RSPH9: variants seen among roughly 807,000 people sequenced by gnomAD.
RSPH9 encodes radial spoke head component 9, also known as radial spoke head protein 9 homolog.
Under a neutral mutation model 27.0 loss-of-function variants are expected in RSPH9, and 27 were observed. The observed-to-expected ratio is 1.00, with a 90% CI of 0.74 to 1.38. The LOEUF (loss-of-function observed/expected upper bound fraction) is 1.38. Ranked by LOEUF, RSPH9 falls within the 40% of genes most tolerant of loss-of-function variation. The pLI, the probability that RSPH9 is intolerant of heterozygous loss-of-function variation, is 0.00. For missense variants in RSPH9, 347 were observed against 357.4 expected (o/e 0.97, Z 0.24); for synonymous variants, 145 against 147.7 (o/e 0.98, Z 0.13).
chr6:43,656,455 G>C, intron 3 of RSPH9, 122 bp from the exon 4 acceptor site: 1 of 1,121,952 alleles, frequency 8.9e-7, no homozygotes, highest in Non-Finnish European at 1.4e-6. Flanking sequence ...CCTTCCTTTA[G>C]CTCTCTGACA....
In RSPH9 at chr6:43,671,828, G is replaced by A. The variant is rs755929911; in HGVS notation, c.*879G>A. ...TGTCCCTCAGAAGGGGTGACCCCAC[G>A]GGCATGCGCACCCTGTTCCAGCGGG... On this transcript the variant is annotated 3_prime_UTR_variant, in exon 5 of 5. Transcript: ENST00000372163. 53 of 1,614,066 alleles carry A rather than the reference G, an allele frequency of 3.3e-5. No homozygotes were observed. Among genetic ancestry groups the A allele is most frequent in the African/African-American group, 2.3e-4 (17 of 74,934 alleles).
chr6:43,647,230 T>C (rs1346080239), intron 1 of RSPH9, among the ~76,000 whole-genome samples: 1 of 152,126 alleles, frequency 6.6e-6, no homozygotes, highest in Non-Finnish European at 1.5e-5. Context: ...GCTGGGGAAG[T>C]CTCAGAGTGT....
chr6:43,646,158 G>A (rs1770839258), intron 1 of RSPH9, among the ~76,000 whole-genome samples: 1 of 151,610 alleles, frequency 6.6e-6, no homozygotes, highest in Non-Finnish European at 1.5e-5. Context: ...TTTAGACGGA[G>A]TCTCGCTCTG....
Position 43,656,677 on chromosome 6 carries a change from C to T in RSPH9, c.624C>T (p.Asp208=), listed in dbSNP as rs149007099. The T allele has an allele frequency of 6.8e-6, 11 of 1,614,058 alleles. No individual in the cohort carries two copies. In the African/African-American group the frequency reaches 1.2e-4, roughly 18 times the overall value. The stretch of plus-strand genomic sequence containing the variant: ...CCTTGCTTGAGAAGGCTGACCTGGA[C>T]CCCTCCCTGGATTTCATGGACTCCT... ...NKTLLEKADL[D]PSLDFMDSLE... The change falls in exon 4 of 5, where the codon GAC becomes GAT. Residue 208 remains aspartate, a synonymous_variant. Transcript: ENST00000372163.
intron 4 of RSPH9, among the ~76,000 whole-genome samples, chr6:43,669,785 G>A (rs1773529512): frequency 6.6e-6 from 1 of 152,160 alleles, no homozygotes. Flanking sequence ...CGGTTCTGGA[G>A]CTTAATCAGG....
intron 4 of RSPH9, among the ~76,000 whole-genome samples, chr6:43,660,686 A>G (rs6901805): frequency 0.17 from 26,279 of 152,026 alleles, 5,123 homozygotes; most frequent in African/African-American, 0.49. Context: ...GGTAGTCTCA[A>G]TCTCCTGACC....
chr6:43,665,176 C>G (rs1034529306), intron 4 of RSPH9, among the ~76,000 whole-genome samples: 1 of 152,226 alleles, frequency 6.6e-6, no homozygotes, highest in African/African-American at 2.4e-5. Context: ...GCTTCTGCAG[C>G]CAAGACCAAA....
intron 4 of RSPH9, among the ~76,000 whole-genome samples, chr6:43,668,996 T>C (rs1224187863): frequency 6.6e-6 from 1 of 152,180 alleles, no homozygotes; most frequent in Non-Finnish European, 1.5e-5. Flanking sequence ...CAATCTGTTT[T>C]CTGGAGATGC....
chr6:43,655,988 ACTTCCTTCCTTCCTTCCTTC>A (rs70993404), intron 3 of RSPH9, among the ~76,000 whole-genome samples: 11 of 113,616 alleles, frequency 9.7e-5, no homozygotes, highest in Admixed American at 1.9e-4. Flanking sequence ...TCCTCCTTGG[ACTTCCTTCCTTCCTTCCTTC>A]CTTCCTTCCT....
chr6:43,647,486 AGATTTAAGTG>A (rs1366324568), intron 1 of RSPH9, among the ~76,000 whole-genome samples: 1 of 152,184 alleles, frequency 6.6e-6, no homozygotes, highest in African/African-American at 2.4e-5. Flanking sequence ...TGGGTTGGAA[AGATTTAAGTG>A]CTAGAATTGT....
Position 43,653,279 on chromosome 6 carries a change from G to A in RSPH9, c.394-2283G>A, listed in dbSNP as rs570481911. On this transcript the variant is annotated intron_variant, in intron 2 of 4. Coordinates refer to ENST00000372163, the MANE Select transcript of RSPH9 (RefSeq NM_152732.5). ...AGCATGGCCAACATAGTGAAACTCC[G>A]TCTCTACTAAAAATACAAAAAATTA... 3.3e-5 allele frequency among the ~76,000 whole-genome samples: 5 copies of A among 152,006 alleles called. No individual in the cohort carries two copies. The East Asian group carries it at 5.8e-4, about 18-fold the overall frequency.
chr6:43,646,256 C>T (rs1200572707), intron 1 of RSPH9, among the ~76,000 whole-genome samples: 7 of 152,012 alleles, frequency 4.6e-5, no homozygotes, highest in African/African-American at 7.2e-5. Flanking sequence ...CTCAGCCTCC[C>T]GAGTGGCTGG....
rs1343110937 is a variant in RSPH9 at position 43,672,144 on chromosome 6, A to G, written c.*1195A>G. On this transcript the variant is annotated 3_prime_UTR_variant, in exon 5 of 5. Transcript: ENST00000372163. ...GGCCAGGTTCAGGCAGCCCAGGGCC[A>G]CAAGCTCCCTTGATCTTTGTAAATG... 1 of 588,658 alleles carries G rather than the reference A, an allele frequency of 1.7e-6. No individual in the cohort carries two copies. Among genetic ancestry groups the G allele is most frequent in the Non-Finnish European group, 3.1e-6 (1 of 325,486 alleles). 36.5% of individuals were successfully genotyped at this position (588,658 alleles called of 1,614,324 possible). A position where few individuals can be genotyped will look rare whatever the true frequency, so the allele number is the denominator to read the frequency against.
At chr6:43,667,265 G>A (rs1366069220) in intron 4 of RSPH9, among the ~76,000 whole-genome samples, 1 of 152,216 alleles carries the variant, frequency 6.6e-6, no homozygotes, top group African/African-American at 2.4e-5. Context: ...TGTCCTGGGA[G>A]GTAAAGGAGG....
intron 4 of RSPH9, among the ~76,000 whole-genome samples, chr6:43,665,338 T>C (rs899681135): frequency 9.9e-5 from 15 of 152,202 alleles, no homozygotes; most frequent in African/African-American, 3.4e-4. Context: ...GGAGTCTTCC[T>C]AAAGGCTGCT....
chr6:43,648,181 A>G (rs1582377008), intron 1 of RSPH9, among the ~76,000 whole-genome samples: 1 of 152,046 alleles, frequency 6.6e-6, no homozygotes, highest in African/African-American at 2.4e-5. Context: ...AGGCAGGAGA[A>G]TCGCCTGAAC....
intron 4 of RSPH9, among the ~76,000 whole-genome samples, chr6:43,669,970 TAGG>T (rs747219818): frequency 5.3e-5 from 8 of 152,342 alleles, no homozygotes; most frequent in Non-Finnish European, 1.2e-4. Flanking sequence ...GCCATTGAGC[TAGG>T]AGGCCTGAAC....
At position 43,645,282 on chromosome 6, in the gene RSPH9, G is replaced by T; in HGVS notation, c.184G>T (p.Gly62Cys). ...GLVADYYIAQ[G>C]LSEDQLAPRK... is the part of the protein sequence containing the mutation. ...CGTCGCCGATTACTACATCGCGCAGGGCCTGAGTGAGGACCAGCTCGCACC... is the reference window on the plus strand; with the variant it reads ...CGTCGCCGATTACTACATCGCGCAGTGCCTGAGTGAGGACCAGCTCGCACC... The change falls in exon 1 of 5, where the codon GGC becomes TGC. Residue 62 changes from glycine (G) to cysteine (C), a missense_variant. Physicochemically the swap from Gly to Cys is radical, Grantham distance 159. Coordinates refer to ENST00000372163, the MANE Select transcript of RSPH9 (RefSeq NM_152732.5). The T allele has an allele frequency of 6.2e-7, 1 of 1,613,934 alleles. No homozygotes were observed. Among genetic ancestry groups the T allele is most frequent in the South Asian group, 1.1e-5 (1 of 91,086 alleles).
At chr6:43,649,018 G>A (rs1771169925) in intron 1 of RSPH9, among the ~76,000 whole-genome samples, 1 of 152,082 alleles carries the variant, frequency 6.6e-6, no homozygotes, top group African/African-American at 2.4e-5. Flanking sequence ...GGGCTGAAGA[G>A]TGAAAAGGAA....
Sources: gnomAD v4.1 joint callset for allele counts (sites outside exome capture counted in the v4.1 genomes callset) on GRCh38, gnomAD v4.1.1 for gene constraint, MANE v1.5 for transcripts, NCBI Gene and HGNC (gene_info 2026-07-23, HGNC 2026-07-21) for gene names.